Variants in ARHGEF11 observed in about 807,000 individuals in gnomAD.
ARHGEF11 encodes the protein Rho guanine exchange factor (GEF) 11.
In ARHGEF11, 55 loss-of-function variants were observed where a neutral mutation model predicts 193.7. The observed-to-expected ratio is 0.28, with a 90% CI of 0.23 to 0.36. ARHGEF11 has a LOEUF of 0.36. Among genes scored for constraint, ARHGEF11 ranks in the 10% least tolerant of loss-of-function variants. The pLI is 1.00. For missense variants in ARHGEF11, 1,723 were observed against 2,005.6 expected (o/e 0.86, Z 2.69); for synonymous variants, 693 against 768.0 (o/e 0.90, Z 1.62).
chr1:157,037,988 C>T (rs146860287), intron 1 of ARHGEF11, among the ~76,000 whole-genome samples: 5,094 of 140,172 alleles, frequency 0.036, 118 homozygotes, highest in African/African-American at 0.059. Flanking sequence ...GCCGAGATCA[C>T]GCCACTGCAC....
chr1:156,946,961 T>A lies in ARHGEF11; in HGVS notation c.2543A>T (p.Glu848Val). 6.2e-7 allele frequency: 1 copy of A among 1,614,064 alleles called. No individual in the cohort carries two copies. Among genetic ancestry groups the A allele is most frequent in the Non-Finnish European group, 8.5e-7 (1 of 1,180,020 alleles). Reference protein sequence around the residue: ...KLREEGPIIKEISDLMLARFD... With the variant: ...KLREEGPIIKVISDLMLARFD... ...CCGGGCCAGCATGAGGTCACTGATC[T>A]CTTTGATGATGGGGCCTTCCTCCCG... The change falls in exon 27 of 41, where the codon GAG becomes GTG. Residue 848 changes from glutamate to valine, a missense_variant. Glu to Val is a moderately radical substitution (Grantham distance 121). Around this residue, in one of 5 missense-constraint regions of ARHGEF11, gnomAD observed 491 missense variants for 654.5 expected, o/e 0.75. Coordinates refer to ENST00000368194, the MANE Select transcript of ARHGEF11 (RefSeq NM_198236.3).
At chr1:156,972,159 C>A (rs1016895265) in intron 7 of ARHGEF11, among the ~76,000 whole-genome samples, 1 of 152,178 alleles carries the variant, frequency 6.6e-6, no homozygotes, top group Non-Finnish European at 1.5e-5. Flanking sequence ...ATTGTCCAGA[C>A]CAGAACATAA....
Position 156,935,939 on chromosome 1 carries a change from C to A in ARHGEF11, c.*61G>T. ...TTGGGATCCCCCCTACCCTGTGCCC[C>A]GGTCTCAGGCCAGTCCCTGAAGGAG... On this transcript the variant is annotated 3_prime_UTR_variant, in exon 41 of 41. Transcript: ENST00000368194. 3 of 1,550,664 alleles carry A rather than the reference C, an allele frequency of 1.9e-6. No homozygotes were observed. Among genetic ancestry groups the A allele is most frequent in the Non-Finnish European group, 2.6e-6 (3 of 1,137,656 alleles).
intron 1 of ARHGEF11, among the ~76,000 whole-genome samples, chr1:157,033,463 A>G (rs571405897): frequency 5.3e-4 from 81 of 152,134 alleles, no homozygotes; most frequent in African/African-American, 1.8e-3. Flanking sequence ...CTCCTAACCC[A>G]TCTTCCCTCT....
intron 40 of ARHGEF11, among the ~76,000 whole-genome samples, chr1:156,936,497 A>AAAAAATATATAT (rs370282821): frequency 8.8e-5 from 3 of 33,938 alleles, no homozygotes; most frequent in Non-Finnish European, 1.4e-4. Flanking sequence ...AAAAAAAAAA[A>AAAAAATATATAT]ATATATATAT....
At chr1:156,967,574 T>TC (rs948505285) in intron 11 of ARHGEF11, among the ~76,000 whole-genome samples, 8 of 152,160 alleles carry the variant, frequency 5.3e-5, no homozygotes, top group Non-Finnish European at 1.0e-4. Context: ...AGCTGAGTTT[T>TC]TTTTTTTTCT....
At position 156,938,474 on chromosome 1, in the gene ARHGEF11, T is replaced by G. The variant is rs369102506; in HGVS notation, c.4136A>C (p.Glu1379Ala). The change falls in exon 38 of 41, where the codon GAG becomes GCG. Residue 1379 changes from glutamate (E) to alanine (A), a missense_variant. Glu to Ala is a moderately radical substitution (Grantham distance 107). Transcript: ENST00000368194. ...AGSKVVPALP[E>A]SGQSEPGPPE... ...TGGCCCAGGCTCTGACTGGCCACTC[T>G]CTGGTAGTGCAGGGACAACCTTGCT... 1 of 1,613,700 alleles carries G rather than the reference T, an allele frequency of 6.2e-7. No homozygotes were observed. The highest frequency in any genetic ancestry group is 1.3e-5 in the African/African-American group (1 of 74,894).
intron 11 of ARHGEF11, among the ~76,000 whole-genome samples, chr1:156,964,743 CTGTATT>C (rs1403414289): frequency 6.6e-6 from 1 of 152,094 alleles, no homozygotes; most frequent in Non-Finnish European, 1.5e-5. Context: ...GCCTGATGTG[CTGTATT>C]TGTATTTCCC....
chr1:157,019,866 A>G (rs995479758), intron 1 of ARHGEF11, among the ~76,000 whole-genome samples: 2 of 152,088 alleles, frequency 1.3e-5, no homozygotes, highest in Non-Finnish European at 2.9e-5. Context: ...GAGGGGAGAA[A>G]AGAAGAGAGA....
At chr1:157,034,852 G>A (rs574682644) in intron 1 of ARHGEF11, among the ~76,000 whole-genome samples, 2 of 152,314 alleles carry the variant, frequency 1.3e-5, no homozygotes, top group Non-Finnish European at 2.9e-5. Flanking sequence ...TTGAATTGCT[G>A]TATGTATGTG....
rs374065753 is a variant in ARHGEF11, at chr1:156,956,581, G to A, written c.1527-17C>T. ...ATGGGGGCGCTGTAAAAGAGGAACA[G>A]TGTCCTGAATCAGAGAGCTCAAGTT... On this transcript the variant is annotated splice_polypyrimidine_tract_variant and intron_variant, in intron 18 of 40. Transcript: ENST00000368194. 75 of 1,613,924 alleles carry A rather than the reference G, an allele frequency of 4.6e-5. No individual in the cohort carries two copies. Among genetic ancestry groups the A allele is most frequent in the Non-Finnish European group, 6.0e-5 (71 of 1,179,930 alleles).
intron 7 of ARHGEF11, 124 bp from the exon 8 acceptor site, chr1:156,971,940 T>A: frequency 1.4e-4 from 154 of 1,069,076 alleles, no homozygotes; most frequent in Non-Finnish European, 1.8e-4. Flanking sequence ...AGAGAAGAGG[T>A]CTCTGCCTCC....
At chr1:156,941,475 C>A in intron 34 of ARHGEF11, 42 bp from the exon 35 acceptor site, 1 of 1,585,256 alleles carries the variant, frequency 6.3e-7, no homozygotes, top group East Asian at 2.2e-5. Flanking sequence ...CCATGAGATT[C>A]CACCCTGGAC....
rs1468511923 is a variant in ARHGEF11, at chr1:156,946,644, G to A, written c.2694+18C>T. On this transcript the variant is annotated intron_variant, in intron 28 of 40. Coordinates refer to ENST00000368194, the MANE Select transcript of ARHGEF11 (RefSeq NM_198236.3). ...TTGATGGAGATGAAGGAAGGCCAAG[G>A]CATGGCCAAGGACGCACCTGCATGA... 1 of 1,613,990 alleles carries A rather than the reference G, an allele frequency of 6.2e-7. No individual in the cohort carries two copies. The highest frequency in any genetic ancestry group is 1.7e-5 in the Admixed American group (1 of 60,020).
At position 157,014,999 on chromosome 1, in the gene ARHGEF11, G is replaced by A. The variant is rs369088169; in HGVS notation, c.33-28826C>T. Among the ~76,000 whole-genome samples the A allele has an allele frequency of 5.3e-5, 8 of 152,272 alleles. No homozygotes were observed. The East Asian group carries it at 1.5e-3, about 29-fold the overall frequency. ...CTAGGGGACAACACAGCCAACAGAT[G>A]CTCAAACTCAACACACTGACAAACT... On this transcript the variant is annotated intron_variant, in intron 1 of 40. Transcript: ENST00000368194.
chr1:157,004,375 G>T (rs762940136), intron 1 of ARHGEF11, among the ~76,000 whole-genome samples: 4 of 152,134 alleles, frequency 2.6e-5, no homozygotes, highest in Admixed American at 1.3e-4. Context: ...CATCCCAGGC[G>T]GAAACCCCAA....
At position 156,936,895 on chromosome 1, in the gene ARHGEF11, G is replaced by A. The variant is rs1655500316; in HGVS notation, c.4551C>T (p.Gly1517=). The A allele has an allele frequency of 1.2e-6, 2 of 1,614,158 alleles. No homozygotes were observed. Among genetic ancestry groups the A allele is most frequent in the Non-Finnish European group, 8.5e-7 (1 of 1,180,026 alleles). Residue 1517 remains glycine (G), a synonymous_variant, in exon 40 of 41, where the codon GGC becomes GGT. Transcript: ENST00000368194. ...GCTCCTTAGCGGGAGGTGAGAGGGA[G>A]CCATCTGTCCATCTAGCTGCTTCTG... ...FHTEAARWTD[G]SLSPPAKEPL... is the part of the protein sequence containing the mutation.
intron 1 of ARHGEF11, among the ~76,000 whole-genome samples, chr1:157,035,457 G>C (rs1571602240): frequency 6.6e-6 from 1 of 151,256 alleles, no homozygotes; most frequent in East Asian, 1.9e-4. Flanking sequence ...CCAGGCTGGA[G>C]AGCAATGGCG....
rs1426001217 is a variant in ARHGEF11, at chr1:157,044,708, T to C, written c.-378A>G. The C allele has an allele frequency of 2.3e-6, 1 of 429,466 alleles. No homozygotes were observed. The highest frequency in any genetic ancestry group is 4.1e-6 in the Non-Finnish European group (1 of 244,418). The allele number at this position is 429,466 out of a possible 1,614,324, so 26.6% of individuals were successfully genotyped here. On this transcript the variant is annotated 5_prime_UTR_variant, in exon 1 of 41. Coordinates refer to ENST00000368194, the MANE Select transcript of ARHGEF11 (RefSeq NM_198236.3). ...GAAAAATGTGCCTTCAAAATATCACTGTTAACTGCAAAGTACAGATAAAAC... is the reference window on the plus strand; with the variant it reads ...GAAAAATGTGCCTTCAAAATATCACCGTTAACTGCAAAGTACAGATAAAAC...
Sources: allele counts gnomAD v4.1 joint callset (sites outside exome capture counted in the v4.1 genomes callset), GRCh38; gene constraint gnomAD v4.1.1; regional missense constraint gnomAD v4.1.1; transcripts MANE v1.5; gene names NCBI Gene and HGNC (gene_info 2026-07-23, HGNC 2026-07-21).